The following OR10A2 variants were observed in gnomAD, a reference collection of about 807,000 sequenced individuals.
OR10A2 encodes olfactory receptor 10A2.
Under a neutral mutation model 13.7 loss-of-function variants are expected in OR10A2, and 15 were observed. That is an observed-to-expected ratio of 1.10 (90% CI 0.73 to 1.69). The LOEUF is 1.69. Among genes scored for constraint, OR10A2 ranks in the 40% most tolerant of loss-of-function variants. OR10A2 has a pLI of 0.00. For synonymous variants in OR10A2, 145 were observed against 144.7 expected, an observed-to-expected ratio of 1.00 and a Z score of -0.02; for missense variants, 343 against 361.1, an observed-to-expected ratio of 0.95 and a Z score of 0.41.
intron 1 of OR10A2, among the ~76,000 whole-genome samples, chr11:6,868,948 G>T (rs2133069198): frequency 6.6e-6 from 1 of 152,286 alleles, no homozygotes; most frequent in Middle Eastern, 3.4e-3. Flanking sequence ...TCTTCACTGT[G>T]ATTTTGCAGA....
At position 6,870,030 on chromosome 11, in the gene OR10A2, C is replaced by T. The variant is rs776352753; in HGVS notation, c.276C>T (p.Phe92=). 6.2e-7 allele frequency: 1 copy of T among 1,614,232 alleles called. No homozygotes were observed. The highest frequency in any genetic ancestry group is 8.5e-7 in the Non-Finnish European group (1 of 1,180,042). The part of the protein sequence containing the change: ...LGCATQMYFF[F]FFGVAECFLL... ...GTGCCACTCAGATGTATTTCTTCTT[C>T]TTCTTTGGAGTGGCTGAATGCTTCC... The change falls in exon 2 of 2, where the codon TTC becomes TTT. Residue 92 remains phenylalanine, a synonymous_variant. Coordinates refer to ENST00000641461, the MANE Select transcript of OR10A2 (RefSeq NM_001004460.2).
chr11:6,868,920 C>T (rs1332613339), intron 1 of OR10A2, among the ~76,000 whole-genome samples: 1 of 152,142 alleles, frequency 6.6e-6, no homozygotes, highest in African/African-American at 2.4e-5. Context: ...TGTTGGTTCT[C>T]GTGCTTATCT....
At chr11:6,863,384 T>TTTTC (rs1157884515) in intron 1 of OR10A2, 33 bp downstream of exon 1, 1 of 52,476 alleles carries the variant, frequency 1.9e-5, no homozygotes. Context: ...TTTTTTTTTT[T>TTTTC]CCACCAAGGA....
chr11:6,874,356 T>C lies in OR10A2; in HGVS notation c.*3690T>C, dbSNP rs1457072023. 4 of 152,180 alleles carry C rather than the reference T, an allele frequency of 2.6e-5. No homozygotes were observed. In the South Asian group the frequency reaches 6.2e-4, roughly 24 times the overall value. 9.4% of individuals were successfully genotyped at this position (152,180 alleles called of 1,614,324 possible). A position where few individuals can be genotyped will look rare whatever the true frequency, so the allele number is the denominator to read the frequency against. Reference sequence around the variant, plus strand: ...CATGTCATCTACTGTATGAGACAAATACATACAATAATGATTATTCTAAAA... The same window carrying C: ...CATGTCATCTACTGTATGAGACAAACACATACAATAATGATTATTCTAAAA... On this transcript the variant is annotated 3_prime_UTR_variant, in exon 2 of 2. Transcript: ENST00000641461.
At chr11:6,865,365 T>C (rs554286847) in intron 1 of OR10A2, among the ~76,000 whole-genome samples, 2 of 151,818 alleles carry the variant, frequency 1.3e-5, no homozygotes, top group Non-Finnish European at 2.9e-5. Context: ...CATTTAATAT[T>C]ATATGGTGAT....
intron 1 of OR10A2, 67 bp downstream of exon 1, chr11:6,863,418 C>T (rs1443304062): frequency 1.5e-5 from 2 of 129,586 alleles, no homozygotes; most frequent in Non-Finnish European, 3.1e-5. Context: ...AGGCCACTCT[C>T]CAAGTTCAGT....
chr11:6,870,796 A>T lies in OR10A2; in HGVS notation c.*130A>T. ...TGCTGAAATGGCTTTTGGAAAGCTG[A>T]GTGGAGAGAAAGGAGCAGAGAAGTA... On this transcript the variant is annotated 3_prime_UTR_variant, in exon 2 of 2. Coordinates refer to ENST00000641461, the MANE Select transcript of OR10A2 (RefSeq NM_001004460.2). The T allele has an allele frequency of 1.3e-6, 1 of 742,410 alleles. No individual in the cohort carries two copies. Among genetic ancestry groups the T allele is most frequent in the Non-Finnish European group, 2.2e-6 (1 of 460,310 alleles). 46.0% of individuals were successfully genotyped at this position (742,410 alleles called of 1,614,324 possible).
chr11:6,866,342 G>A (rs977488051), intron 1 of OR10A2, among the ~76,000 whole-genome samples: 2 of 151,894 alleles, frequency 1.3e-5, no homozygotes, highest in Non-Finnish European at 2.9e-5. Context: ...CCAACCCTGC[G>A]GGCTGCATGC....
intron 1 of OR10A2, among the ~76,000 whole-genome samples, chr11:6,864,081 C>G (rs555256067): frequency 2.8e-4 from 42 of 152,290 alleles, no homozygotes; most frequent in Middle Eastern, 6.8e-3. Context: ...CACCCCTGTT[C>G]TAGAGGAACT....
rs961874796 is a variant in OR10A2 at position 6,872,657 on chromosome 11, A to C, written c.*1991A>C. 5 of 151,588 alleles carry C rather than the reference A, an allele frequency of 3.3e-5. No individual in the cohort carries two copies. The highest frequency in any genetic ancestry group is 1.2e-4 in the African/African-American group (5 of 41,194). The allele number at this position is 151,588 out of a possible 1,614,324, so 9.4% of individuals were successfully genotyped here. On this transcript the variant is annotated 3_prime_UTR_variant, in exon 2 of 2. Transcript: ENST00000641461. ...ACATCACCATGCCTGGCCATTTAAA[A>C]ATTTTTTTTTAGTAGAGACGAGGTC...
In OR10A2 at chr11:6,868,935, C is replaced by T. The variant is rs79780898; in HGVS notation, c.-132-688C>T. Reference sequence around the variant, plus strand: ...TGTTGGTTCTCGTGCTTATCTTTGTCTGTCTTCACTGTGATTTTGCAGAAA... The same window carrying T: ...TGTTGGTTCTCGTGCTTATCTTTGTTTGTCTTCACTGTGATTTTGCAGAAA... On this transcript the variant is annotated intron_variant, in intron 1 of 1. Transcript: ENST00000641461. Among the ~76,000 whole-genome samples, 766 of 152,308 alleles carry T rather than the reference C, an allele frequency of 5.0e-3. 8 individuals carry two copies. The highest frequency in any genetic ancestry group is 0.017 in the African/African-American group (712 of 41,566).
intron 1 of OR10A2, among the ~76,000 whole-genome samples, chr11:6,868,677 AT>A (rs145193655): frequency 0.33 from 49,327 of 151,646 alleles, 8,539 homozygotes; most frequent in South Asian, 0.41. Context: ...TTTATTATTA[AT>A]TTTTTTTAAC....
In OR10A2 at chr11:6,869,705, C is replaced by T; in HGVS notation, c.-50C>T. ...CATGACCACAGTTGGGGACTTCTGCCCACACTTATAGCTACAGGAAACTGG... is the reference window on the plus strand; with the variant it reads ...CATGACCACAGTTGGGGACTTCTGCTCACACTTATAGCTACAGGAAACTGG... On this transcript the variant is annotated 5_prime_UTR_variant, in exon 2 of 2. Coordinates refer to ENST00000641461, the MANE Select transcript of OR10A2 (RefSeq NM_001004460.2). 1.3e-6 allele frequency: 2 copies of T among 1,483,588 alleles called. No individual in the cohort carries two copies. The highest frequency in any genetic ancestry group is 1.2e-5 in the South Asian group (1 of 84,924). 91.9% of individuals were successfully genotyped at this position (1,483,588 alleles called of 1,614,324 possible). A position where few individuals can be genotyped will look rare whatever the true frequency, so the allele number is the denominator to read the frequency against.
Position 6,870,661 on chromosome 11 carries a change from C to A in OR10A2, c.907C>A (p.Pro303Thr), listed in dbSNP as rs747132076. 1 of 1,554,498 alleles carries A rather than the reference C, an allele frequency of 6.4e-7. No homozygotes were observed. The highest frequency in any genetic ancestry group is 1.4e-5 in the African/African-American group (1 of 72,504). ...GGCCCTAGCCCTCAGAAACTGTATC[C>A]CATAGACCTTAGGAAGTAAGGCTAC... ...SKALALRNCI[P>T] The change falls in exon 2 of 2, where the codon CCA becomes ACA. Residue 303 changes from proline (P) to threonine (T), a missense_variant. By Grantham distance (38) the Pro-to-Thr change is conservative. Coordinates refer to ENST00000641461, the MANE Select transcript of OR10A2 (RefSeq NM_001004460.2).
At chr11:6,867,436 T>C (rs1848388034) in intron 1 of OR10A2, among the ~76,000 whole-genome samples, 1 of 152,144 alleles carries the variant, frequency 6.6e-6, no homozygotes, top group Non-Finnish European at 1.5e-5. Context: ...GTTTTCAAAC[T>C]CCTGGCCTCA....
intron 1 of OR10A2, 86 bp downstream of exon 1, chr11:6,863,437 T>C (rs532340033): frequency 5.9e-5 from 8 of 136,294 alleles, no homozygotes; most frequent in African/African-American, 1.9e-4. Context: ...GTTACTCAGC[T>C]GCACAAAATA....
rs201352225 is a variant in OR10A2 at position 6,870,488 on chromosome 11, C to T, written c.734C>T (p.Thr245Ile). 1 of 1,614,202 alleles carries T rather than the reference C, an allele frequency of 6.2e-7. No homozygotes were observed. Among genetic ancestry groups the T allele is most frequent in the Non-Finnish European group, 8.5e-7 (1 of 1,180,016 alleles). Residue 245 changes from threonine to isoleucine, a missense_variant, in exon 2 of 2, where the codon ACC becomes ATC. Thr to Ile is a moderately conservative substitution (Grantham distance 89). Transcript: ENST00000641461. ...CTTTTCTATATATCATTAAGCCTCA[C>T]CTACTTCCGGCCTAAATCAAATAAT... ...VSLFYISLSL[T>I]YFRPKSNNSP... is the part of the protein sequence containing the mutation.
chr11:6,870,593 G>T lies in OR10A2; in HGVS notation c.839G>T (p.Arg280Ile). Residue 280 changes from arginine to isoleucine, a missense_variant, in exon 2 of 2, where the codon AGA (arginine) becomes ATA (isoleucine). By Grantham distance (97) the Arg-to-Ile change is moderately conservative. Coordinates refer to ENST00000641461, the MANE Select transcript of OR10A2 (RefSeq NM_001004460.2). The stretch of plus-strand genomic sequence containing the variant: ...TTGAACCCCATTATCTACAGCCTGA[G>T]AAATAACGAGGTGAAGAATGCCCTC... ...PMLNPIIYSL[R>I]NNEVKNALSR... 6.2e-7 allele frequency: 1 copy of T among 1,613,866 alleles called. No homozygotes were observed. Among genetic ancestry groups the T allele is most frequent in the Non-Finnish European group, 8.5e-7 (1 of 1,179,836 alleles).
intron 1 of OR10A2, among the ~76,000 whole-genome samples, chr11:6,865,419 G>A (rs1848372032): frequency 6.6e-6 from 1 of 151,840 alleles, no homozygotes; most frequent in African/African-American, 2.4e-5. Context: ...TGACTTTAAA[G>A]ATTACAGGGT....
Sources: gnomAD v4.1 joint callset for allele counts (sites outside exome capture counted in the v4.1 genomes callset) on GRCh38, gnomAD v4.1.1 for gene constraint, MANE v1.5 for transcripts, NCBI Gene and HGNC (gene_info 2026-07-23, HGNC 2026-07-21) for gene names.